UVRAG: variants seen among roughly 807,000 people sequenced by gnomAD.
UVRAG encodes UV radiation resistance-associated gene protein.
In UVRAG, 19 loss-of-function variants were observed where a neutral mutation model predicts 78.0. The observed-to-expected ratio is 0.24, with a 90% confidence interval of 0.17 to 0.36. UVRAG has a LOEUF of 0.36. UVRAG is among the 10% of genes least tolerant of loss of function. The pLI, the probability that UVRAG is intolerant of heterozygous loss-of-function variation, is 1.00. For missense variants in UVRAG, 740 were observed against 853.8 expected, an observed-to-expected ratio of 0.87 and a Z score of 1.66; for synonymous variants, 323 against 324.6, an observed-to-expected ratio of 1.00 and a Z score of 0.05.
At chr11:75,933,601 A>G (rs968037474) in intron 6 of UVRAG, among the ~76,000 whole-genome samples, 1 of 152,226 alleles carries the variant, frequency 6.6e-6, no homozygotes, top group Non-Finnish European at 1.5e-5. Flanking sequence ...CAAACTACCC[A>G]TCTGACAAGG....
At chr11:76,063,796 C>T (rs989229061) in intron 12 of UVRAG, among the ~76,000 whole-genome samples, 1 of 152,090 alleles carries the variant, frequency 6.6e-6, no homozygotes, top group Non-Finnish European at 1.5e-5. Context: ...CTATAGCTTG[C>T]TAATGTAATT....
At chr11:76,057,495 A>T (rs549765005) in intron 12 of UVRAG, among the ~76,000 whole-genome samples, 1 of 152,254 alleles carries the variant, frequency 6.6e-6, no homozygotes, top group Non-Finnish European at 1.5e-5. Flanking sequence ...ATATTATTTT[A>T]AAATGGCTTA....
chr11:75,991,874 A>G (rs758548029), intron 8 of UVRAG, among the ~76,000 whole-genome samples: 1 of 152,184 alleles, frequency 6.6e-6, no homozygotes, highest in Non-Finnish European at 1.5e-5. Context: ...CTGAGGTTTA[A>G]TAATAATTGC....
At chr11:76,084,629 T>C (rs1951552066) in intron 13 of UVRAG, among the ~76,000 whole-genome samples, 2 of 152,210 alleles carry the variant, frequency 1.3e-5, no homozygotes, top group Admixed American at 1.3e-4. Context: ...AAACTCAGAA[T>C]ATATATAGTG....
intron 1 of UVRAG, among the ~76,000 whole-genome samples, chr11:75,818,835 A>G (rs1472262014): frequency 2.6e-5 from 4 of 152,168 alleles, no homozygotes; most frequent in East Asian, 1.9e-4. Flanking sequence ...TTTATGATCA[A>G]GTTATCTCAA....
At chr11:75,938,415 T>C (rs1354756929) in intron 6 of UVRAG, among the ~76,000 whole-genome samples, 2 of 152,252 alleles carry the variant, frequency 1.3e-5, no homozygotes, top group African/African-American at 4.8e-5. Context: ...TTTAATTGGA[T>C]GTCAGGCATT....
chr11:76,084,326 G>A (rs1055363101), intron 13 of UVRAG, among the ~76,000 whole-genome samples: 4 of 152,072 alleles, frequency 2.6e-5, no homozygotes, highest in African/African-American at 9.7e-5. Flanking sequence ...TTTCTATAAA[G>A]GCGGTATTAA....
At chr11:75,842,201 G>T (rs1000641686) in intron 1 of UVRAG, among the ~76,000 whole-genome samples, 2 of 152,300 alleles carry the variant, frequency 1.3e-5, no homozygotes, top group South Asian at 4.1e-4. Flanking sequence ...CCACATTTAA[G>T]GGGGAGGAGA....
At chr11:76,089,813 T>C (rs1188251591) in intron 13 of UVRAG, among the ~76,000 whole-genome samples, 8 of 152,188 alleles carry the variant, frequency 5.3e-5, no homozygotes, top group Non-Finnish European at 2.9e-5. Context: ...GATGAGACTT[T>C]AGTTCCCTTT....
intron 6 of UVRAG, among the ~76,000 whole-genome samples, chr11:75,941,044 AT>A (rs1355977595): frequency 6.6e-6 from 1 of 152,158 alleles, no homozygotes; most frequent in East Asian, 1.9e-4. Context: ...AAAAAAAAAA[AT>A]GAGGCAGTTT....
intron 8 of UVRAG, among the ~76,000 whole-genome samples, chr11:75,985,188 G>A (rs1328099043): frequency 7.3e-6 from 1 of 137,612 alleles, no homozygotes; most frequent in Admixed American, 7.4e-5. Context: ...TGTATTTATC[G>A]CATTTGGTAA....
chr11:76,062,098 G>T (rs1951105131), intron 12 of UVRAG, among the ~76,000 whole-genome samples: 1 of 152,122 alleles, frequency 6.6e-6, no homozygotes, highest in Non-Finnish European at 1.5e-5. Flanking sequence ...TCCAGGCATT[G>T]CCCGGCTTGT....
chr11:75,887,381 A>G (rs1254575522), intron 4 of UVRAG, among the ~76,000 whole-genome samples: 1 of 149,972 alleles, frequency 6.7e-6, no homozygotes, highest in Non-Finnish European at 1.5e-5. Context: ...GCTGACCTCA[A>G]GTGATCCGCC....
rs568248980 is a variant in UVRAG at position 75,836,025 on chromosome 11, C to T, written c.118-15858C>T. On this transcript the variant is annotated intron_variant, in intron 1 of 14. Coordinates refer to ENST00000356136, the MANE Select transcript of UVRAG (RefSeq NM_003369.4). ...CTGAGGCAGGAGAATCGCTTGAACC[C>T]GGGAGGCGGAGGTTGCAGTGAGCCT... is the stretch of plus-strand genomic sequence containing the variant. Among the ~76,000 whole-genome samples, 65 of 151,990 alleles carry T rather than the reference C, an allele frequency of 4.3e-4. No individual in the cohort carries two copies. The South Asian group carries it at 0.012, about 29-fold the overall frequency.
rs1288176794 is a variant in UVRAG, at chr11:75,879,990, T to C, written c.382T>C (p.Leu128=). ...TGGAAAGGAGAACATCTACCAGCTG[T>C]TGATTGAATGGAAAGTCTGTTTGGA... The part of the protein sequence containing the change: ...WGGKENIYQL[L]IEWKVCLDGL... Residue 128 remains leucine (L), a synonymous_variant, in exon 4 of 15, where the codon TTG becomes CTG. Coordinates refer to ENST00000356136, the MANE Select transcript of UVRAG (RefSeq NM_003369.4). The C allele has an allele frequency of 2.5e-6, 4 of 1,614,168 alleles. No homozygotes were observed. In the African/African-American group the frequency reaches 4.0e-5, roughly 16 times the overall value.
At chr11:75,874,233 G>A (rs1340131000) in intron 3 of UVRAG, among the ~76,000 whole-genome samples, 2 of 151,252 alleles carry the variant, frequency 1.3e-5, no homozygotes, top group African/African-American at 4.9e-5. Context: ...GCCCGCCTTT[G>A]TTCTAAATTC....
At chr11:76,115,332 C>T (rs893268940) in intron 13 of UVRAG, among the ~76,000 whole-genome samples, 1 of 152,148 alleles carries the variant, frequency 6.6e-6, no homozygotes. Flanking sequence ...CAAAGAGGAA[C>T]GTTAGAGACT....
chr11:75,903,981 C>T (rs184944159), intron 5 of UVRAG, among the ~76,000 whole-genome samples: 1 of 152,324 alleles, frequency 6.6e-6, no homozygotes, highest in East Asian at 1.9e-4. Flanking sequence ...AAACGTGACT[C>T]ATCCAATGAA....
chr11:76,124,000 G>A (rs1264013920), intron 14 of UVRAG, among the ~76,000 whole-genome samples: 7 of 152,052 alleles, frequency 4.6e-5, no homozygotes, highest in Admixed American at 2.6e-4. Context: ...TCCTGACCTC[G>A]TGATCCACCC....
Sources: gnomAD v4.1 joint callset for allele counts (sites outside exome capture counted in the v4.1 genomes callset) on GRCh38, gnomAD v4.1.1 for gene constraint, MANE v1.5 for transcripts, NCBI Gene and HGNC (gene_info 2026-07-23, HGNC 2026-07-21) for gene names.